The following STXBP3 variants were observed in gnomAD, a reference collection of about 807,000 sequenced individuals.
The protein encoded by STXBP3 is syntaxin binding protein 3, also known as syntaxin-binding protein 3.
A neutral mutation model predicts 85.7 loss-of-function variants in STXBP3; 41 were observed. The observed-to-expected ratio is 0.48, with a 90% confidence interval of 0.37 to 0.62. STXBP3 has a LOEUF of 0.62. STXBP3 is among the 20% of genes least tolerant of loss of function. The pLI is 0.00. For missense variants in STXBP3, 563 were observed against 703.1 expected, an observed-to-expected ratio of 0.80 and a Z score of 2.25; for synonymous variants, 229 against 231.7, an observed-to-expected ratio of 0.99 and a Z score of 0.10.
intron 17 of STXBP3, among the ~76,000 whole-genome samples, chr1:108,807,137 A>G (rs1455372485): frequency 6.6e-6 from 1 of 151,926 alleles, no homozygotes; most frequent in Non-Finnish European, 1.5e-5. Flanking sequence ...CTGTAATCCT[A>G]GCTACTCGGG....
intron 16 of STXBP3, among the ~76,000 whole-genome samples, chr1:108,799,084 C>T (rs941687190): frequency 2.6e-5 from 4 of 152,152 alleles, no homozygotes; most frequent in African/African-American, 7.2e-5. Context: ...ACTGATTCTT[C>T]GGTCATGATC....
chr1:108,758,254 A>T (rs1662060860), intron 4 of STXBP3, among the ~76,000 whole-genome samples: 1 of 146,414 alleles, frequency 6.8e-6, no homozygotes, highest in Admixed American at 6.8e-5. Context: ...TCCTGTTCAT[A>T]CATATTACCT....
intron 16 of STXBP3, 37 bp downstream of exon 16, chr1:108,798,274 C>A: frequency 1.3e-6 from 2 of 1,511,408 alleles, no homozygotes; most frequent in Non-Finnish European, 1.8e-6. Flanking sequence ...TACCTGAGTG[C>A]CCTCTTTAGA....
chr1:108,767,227 GAGCAT>G (rs1386904792), intron 6 of STXBP3: 1 of 229,878 alleles, frequency 4.4e-6, no homozygotes, highest in African/African-American at 2.3e-5. Flanking sequence ...TGATTTCAAT[GAGCAT>G]AGCTTTGACA....
chr1:108,796,543 A>T, intron 14 of STXBP3, 77 bp from the exon 15 acceptor site: 1 of 1,325,716 alleles, frequency 7.5e-7, no homozygotes, highest in Non-Finnish European at 1.0e-6. Flanking sequence ...AGCTTCATTC[A>T]TGGGTACTAC....
chr1:108,766,963 A>C (rs1348854722), intron 6 of STXBP3: 1 of 529,562 alleles, frequency 1.9e-6, no homozygotes, highest in Non-Finnish European at 3.8e-6. Flanking sequence ...TTATTGATCC[A>C]TACTGTTGCT....
intron 11 of STXBP3, among the ~76,000 whole-genome samples, chr1:108,783,847 A>G (rs912358567): frequency 3.3e-5 from 5 of 152,188 alleles, no homozygotes; most frequent in Admixed American, 2.6e-4. Flanking sequence ...TTTATTTTCA[A>G]TTAAAATTTC....
chr1:108,801,353 C>T (rs1333167220), intron 17 of STXBP3, among the ~76,000 whole-genome samples: 3 of 152,022 alleles, frequency 2.0e-5, no homozygotes, highest in Non-Finnish European at 2.9e-5. Flanking sequence ...AAAATTGGAC[C>T]TTTTAGATAA....
At chr1:108,797,141 G>A (rs577498329) in intron 15 of STXBP3, among the ~76,000 whole-genome samples, 1 of 151,884 alleles carries the variant, frequency 6.6e-6, no homozygotes, top group Non-Finnish European at 1.5e-5. Flanking sequence ...GATTTCTTGA[G>A]CCCAGGAGTT....
chr1:108,773,776 C>G (rs998348637), intron 7 of STXBP3, among the ~76,000 whole-genome samples: 8 of 152,130 alleles, frequency 5.3e-5, no homozygotes, highest in Non-Finnish European at 1.2e-4. Context: ...AGGAGAAAAC[C>G]CATGCAGACG....
chr1:108,794,975 C>A (rs1481095721), intron 13 of STXBP3, 68 bp downstream of exon 13: 13 of 1,415,692 alleles, frequency 9.2e-6, no homozygotes, highest in Admixed American at 2.1e-5. Context: ...AAGTTAAAAC[C>A]TAACTTTTTG....
At chr1:108,800,666 T>C (rs763722574) in intron 17 of STXBP3, among the ~76,000 whole-genome samples, 6 of 152,186 alleles carry the variant, frequency 3.9e-5, no homozygotes, top group Non-Finnish European at 8.8e-5. Context: ...AACTAAATCA[T>C]TATAATTCAA....
Position 108,772,824 on chromosome 1 carries a change from G to T in STXBP3, c.593+5G>T. On this transcript the variant is annotated splice_donor_5th_base_variant and intron_variant, in intron 7 of 18. Coordinates refer to ENST00000370008, the MANE Select transcript of STXBP3 (RefSeq NM_007269.4). The stretch of plus-strand genomic sequence containing the variant: ...TCCCGGAGTAAGATATAAAAGGTAA[G>T]ACACTGAGCATCTGCACATGTTATG... The T allele has an allele frequency of 6.3e-7, 1 of 1,579,826 alleles. No individual in the cohort carries two copies. The highest frequency in any genetic ancestry group is 8.6e-7 in the Non-Finnish European group (1 of 1,160,500).
chr1:108,768,933 G>A (rs551667894), intron 6 of STXBP3, among the ~76,000 whole-genome samples: 2 of 152,104 alleles, frequency 1.3e-5, no homozygotes, highest in East Asian at 3.9e-4. Flanking sequence ...ATATAATAAG[G>A]CAAGTAGAGT....
At chr1:108,765,743 G>A (rs2101110761) in intron 6 of STXBP3, among the ~76,000 whole-genome samples, 1 of 150,572 alleles carries the variant, frequency 6.6e-6, no homozygotes, top group African/African-American at 2.4e-5. Flanking sequence ...GCTAATGTTT[G>A]TACTTTTAGT....
intron 9 of STXBP3, 109 bp downstream of exon 9, chr1:108,779,519 C>A: frequency 3.5e-6 from 4 of 1,145,288 alleles, no homozygotes; most frequent in Middle Eastern, 2.2e-4. Context: ...ATAACCTTTT[C>A]TATTCAGAGA....
At chr1:108,753,536 T>G (rs1025962415) in intron 3 of STXBP3, among the ~76,000 whole-genome samples, 7 of 152,152 alleles carry the variant, frequency 4.6e-5, no homozygotes, top group Admixed American at 2.6e-4. Flanking sequence ...CTGTTGTACA[T>G]GTTTACAAAT....
chr1:108,796,538 C>T (rs551758274), intron 14 of STXBP3, 82 bp from the exon 15 acceptor site: 3 of 1,291,914 alleles, frequency 2.3e-6, no homozygotes, highest in Admixed American at 2.4e-5. Context: ...TTAAAAGCTT[C>T]ATTCATGGGT....
rs370541430 is a variant in STXBP3, at chr1:108,746,714, C to T, written c.-24C>T. On this transcript the variant is annotated 5_prime_UTR_variant, in exon 1 of 19. Transcript: ENST00000370008. ...GTAGGTTGGGAGTGGAAGGTGGTGG[C>T]TGCTGCTCCGCAGTGTCGGGAAGAT... 160 of 1,547,890 alleles carry T rather than the reference C, an allele frequency of 1.0e-4. No homozygotes were observed. Among genetic ancestry groups the T allele is most frequent in the Non-Finnish European group, 1.3e-4 (150 of 1,145,366 alleles).
Sources: gnomAD v4.1 joint callset for allele counts (sites outside exome capture counted in the v4.1 genomes callset) on GRCh38, gnomAD v4.1.1 for gene constraint, MANE v1.5 for transcripts, NCBI Gene and HGNC (gene_info 2026-07-23, HGNC 2026-07-21) for gene names.